RIT2: variants seen among roughly 807,000 people sequenced by gnomAD.
RIT2 encodes the protein GTP-binding protein Rit2.
In RIT2, 24 loss-of-function variants were observed where a neutral mutation model predicts 23.7. That is an observed-to-expected ratio of 1.01 (90% CI 0.73 to 1.43). The LOEUF (loss-of-function observed/expected upper bound fraction) is 1.43. RIT2 is among the 40% of genes most tolerant of loss of function. RIT2 has a pLI of 0.00. For missense variants in RIT2, 236 were observed against 266.9 expected, an observed-to-expected ratio of 0.88 and a Z score of 0.81; for synonymous variants, 107 against 91.1, an observed-to-expected ratio of 1.17 and a Z score of -0.99.
intron 4 of RIT2, among the ~76,000 whole-genome samples, chr18:42,916,551 G>A (rs1162139323): frequency 3.9e-5 from 6 of 152,250 alleles, no homozygotes; most frequent in African/African-American, 1.4e-4. Flanking sequence ...CCTTCACCCA[G>A]ATTAGTTACT....
At chr18:43,040,517 G>A (rs559353712) in intron 1 of RIT2, among the ~76,000 whole-genome samples, 2 of 152,078 alleles carry the variant, frequency 1.3e-5, no homozygotes, top group Non-Finnish European at 2.9e-5. Flanking sequence ...GAACTTCAAG[G>A]CCTCCTCTGA....
intron 4 of RIT2, among the ~76,000 whole-genome samples, chr18:42,890,650 T>C (rs573809000): frequency 6.6e-6 from 1 of 152,002 alleles, no homozygotes; most frequent in Admixed American, 6.6e-5. Flanking sequence ...AACAAAAAGG[T>C]CCAGAATTAT....
chr18:42,776,859 T>A (rs1397160598), intron 4 of RIT2, among the ~76,000 whole-genome samples: 2 of 152,154 alleles, frequency 1.3e-5, no homozygotes, highest in Non-Finnish European at 2.9e-5. Flanking sequence ...GGAAATAACA[T>A]TATCAGAGTT....
chr18:43,106,358 ACTT>A (rs1913822137), intron 1 of RIT2, among the ~76,000 whole-genome samples: 1 of 152,220 alleles, frequency 6.6e-6, no homozygotes, highest in South Asian at 2.1e-4. Context: ...GTGTCTAAGG[ACTT>A]CTGATTCATT....
Position 43,065,133 on chromosome 18 carries a change from A to T in RIT2, c.104-31266T>A, listed in dbSNP as rs1912739202. 1.3e-5 allele frequency among the ~76,000 whole-genome samples: 2 copies of T among 151,878 alleles called. 1 individual carries two copies. The highest frequency in any genetic ancestry group is 2.9e-5 in the Non-Finnish European group (2 of 67,968). On this transcript the variant is annotated intron_variant, in intron 1 of 4. Transcript: ENST00000326695. Reference sequence around the variant, plus strand: ...ACTCCTAGCCCACAATAACAATTTAAATAGATAAAGTTTAGTGAGATGTGT... The same window carrying T: ...ACTCCTAGCCCACAATAACAATTTATATAGATAAAGTTTAGTGAGATGTGT...
intron 1 of RIT2, among the ~76,000 whole-genome samples, chr18:43,053,099 G>T (rs1568068215): frequency 2.0e-5 from 3 of 152,062 alleles, no homozygotes; most frequent in Admixed American, 1.3e-4. Flanking sequence ...CGTTGTAGGG[G>T]TATAGGCTTT....
At chr18:42,881,242 T>C (rs955393271) in intron 4 of RIT2, among the ~76,000 whole-genome samples, 5 of 152,216 alleles carry the variant, frequency 3.3e-5, no homozygotes, top group Admixed American at 1.3e-4. Flanking sequence ...TTAAACATCT[T>C]GTTGTCACTT....
At chr18:42,923,857 T>A (rs1004713532) in intron 3 of RIT2, 94 bp from the exon 4 acceptor site, 1 of 1,021,700 alleles carries the variant, frequency 9.8e-7, no homozygotes, top group Non-Finnish European at 1.4e-6. Context: ...TTGAATGTTT[T>A]AAACTATTAA....
chr18:42,776,536 C>T (rs931287832), intron 4 of RIT2, among the ~76,000 whole-genome samples: 13 of 152,054 alleles, frequency 8.5e-5, no homozygotes, highest in Admixed American at 6.5e-5. Context: ...TTAAATTTAT[C>T]AATATCAAAT....
intron 2 of RIT2, among the ~76,000 whole-genome samples, chr18:42,985,107 A>G (rs1910681231): frequency 6.6e-6 from 1 of 152,090 alleles, no homozygotes; most frequent in African/African-American, 2.4e-5. Context: ...GTAAAGAAAA[A>G]TCAACTTATT....
chr18:42,782,774 AGGGAAT>A (rs1913840447), intron 4 of RIT2, among the ~76,000 whole-genome samples: 1 of 152,136 alleles, frequency 6.6e-6, no homozygotes. Context: ...TCCCCTTGGT[AGGGAAT>A]CTAAATGTTT....
chr18:42,768,341 C>T (rs1913473707), intron 4 of RIT2, among the ~76,000 whole-genome samples: 1 of 152,104 alleles, frequency 6.6e-6, no homozygotes, highest in Non-Finnish European at 1.5e-5. Flanking sequence ...CCTCTGGGTG[C>T]CTGAGCCAGC....
chr18:43,034,363 A>T (rs141286425), intron 1 of RIT2, among the ~76,000 whole-genome samples: 2 of 152,134 alleles, frequency 1.3e-5, no homozygotes, highest in Non-Finnish European at 2.9e-5. Context: ...AATTAAAATT[A>T]TTTCAGTTAC....
intron 2 of RIT2, among the ~76,000 whole-genome samples, chr18:43,017,319 C>T (rs1198516007): frequency 1.3e-5 from 2 of 151,870 alleles, no homozygotes; most frequent in Non-Finnish European, 2.9e-5. Context: ...TACTTTTCTT[C>T]TCACTCTAAT....
intron 4 of RIT2, among the ~76,000 whole-genome samples, chr18:42,862,039 A>G (rs1907341451): frequency 6.6e-6 from 1 of 152,214 alleles, no homozygotes. Flanking sequence ...GAAAAATAAG[A>G]GAAAAGCATT....
chr18:42,926,854 A>G (rs1201577738), intron 3 of RIT2, among the ~76,000 whole-genome samples: 1 of 151,942 alleles, frequency 6.6e-6, no homozygotes, highest in Non-Finnish European at 1.5e-5. Flanking sequence ...AGTGGTCTTT[A>G]TATTCCAGAA....
chr18:42,774,734 G>T (rs1913628446), intron 4 of RIT2, among the ~76,000 whole-genome samples: 1 of 151,578 alleles, frequency 6.6e-6, no homozygotes, highest in South Asian at 2.1e-4. Context: ...TATTAGGAGA[G>T]CTATATCTAA....
intron 2 of RIT2, among the ~76,000 whole-genome samples, chr18:43,028,634 A>G (rs1359823154): frequency 6.6e-6 from 1 of 152,028 alleles, no homozygotes; most frequent in Non-Finnish European, 1.5e-5. Context: ...ATACTGGAGC[A>G]CTTATTCTGA....
At chr18:42,901,492 A>G (rs1908475058) in intron 4 of RIT2, among the ~76,000 whole-genome samples, 1 of 152,078 alleles carries the variant, frequency 6.6e-6, no homozygotes, top group Non-Finnish European at 1.5e-5. Flanking sequence ...CTTGCAAGCA[A>G]AAATTAGAAT....
Sources: gnomAD v4.1 joint callset for allele counts (sites outside exome capture counted in the v4.1 genomes callset) on GRCh38, gnomAD v4.1.1 for gene constraint, MANE v1.5 for transcripts, NCBI Gene and HGNC (gene_info 2026-07-23, HGNC 2026-07-21) for gene names.